Variants in FBXO32 observed in about 807,000 individuals in gnomAD.
FBXO32 encodes the protein F-box protein 32.
FBXO32 carries 15 observed loss-of-function variants against 48.3 expected under a neutral mutation model. The observed-to-expected ratio is 0.31, with a 90% CI of 0.21 to 0.48. The LOEUF is 0.48. Ranked by LOEUF, FBXO32 falls within the 20% of genes least tolerant of loss-of-function variation. The pLI, the probability that FBXO32 is intolerant of heterozygous loss-of-function variation, is 0.99. For synonymous variants in FBXO32, 154 were observed against 165.9 expected (o/e 0.93, Z 0.55); for missense variants, 309 against 432.7 (o/e 0.71, Z 2.54).
rs139011602 is a variant in FBXO32 at position 123,532,662 on chromosome 8, G to T, written c.279+529C>A. Among the ~76,000 whole-genome samples, 208 of 152,222 alleles carry T rather than the reference G, an allele frequency of 1.4e-3. 1 individual carries two copies. The highest frequency in any genetic ancestry group is 4.9e-3 in the African/African-American group (202 of 41,534). On this transcript the variant is annotated intron_variant, in intron 3 of 8. Transcript: ENST00000517956. The stretch of plus-strand genomic sequence containing the variant: ...ACGGTCATAGAAATTCTTTCATATT[G>T]CCTGTATCCTAGTTATTTTAGCAAA...
chr8:123,537,572 C>T (rs770501584), intron 1 of FBXO32, among the ~76,000 whole-genome samples: 16 of 152,042 alleles, frequency 1.1e-4, no homozygotes, highest in Non-Finnish European at 1.2e-4. Context: ...CTGTGACGTG[C>T]CCCCAGAGGT....
At chr8:123,537,237 A>AT (rs575156237) in intron 1 of FBXO32, among the ~76,000 whole-genome samples, 17,049 of 147,364 alleles carry the variant, frequency 0.12, 1,393 homozygotes, top group African/African-American at 0.24. Context: ...GGAGCACAGG[A>AT]TTTTTTTTTT....
chr8:123,504,517 AGGCGCT>A, intron 8 of FBXO32, 81 bp downstream of exon 8: 1 of 1,294,184 alleles, frequency 7.7e-7, no homozygotes, highest in East Asian at 3.2e-5. Flanking sequence ...AGAGGCGGAA[AGGCGCT>A]GGCCTCACCA....
intron 4 of FBXO32, 21 bp from the exon 5 acceptor site, chr8:123,514,354 T>C: frequency 6.2e-7 from 1 of 1,600,556 alleles, no homozygotes; most frequent in Non-Finnish European, 8.5e-7. Flanking sequence ...AAATAGAAGT[T>C]GCCAGGCTTA....
chr8:123,530,808 G>A (rs1463843346), intron 4 of FBXO32, among the ~76,000 whole-genome samples: 6 of 150,354 alleles, frequency 4.0e-5, no homozygotes, highest in South Asian at 2.1e-4. Context: ...TAGTAGAGAC[G>A]GGGTTTCACT....
At chr8:123,524,289 G>A (rs763480277) in intron 4 of FBXO32, among the ~76,000 whole-genome samples, 23 of 152,072 alleles carry the variant, frequency 1.5e-4, no homozygotes, top group East Asian at 5.8e-4. Flanking sequence ...CCCCACTTCC[G>A]TGGGCACCTA....
chr8:123,507,355 G>T (rs1816647625), intron 6 of FBXO32, among the ~76,000 whole-genome samples: 1 of 151,790 alleles, frequency 6.6e-6, no homozygotes, highest in Admixed American at 6.6e-5. Flanking sequence ...GCACACAGAA[G>T]GTGCTCAACA....
Position 123,514,308 on chromosome 8 carries a change from T to A in FBXO32, c.398A>T (p.Gln133Leu), listed in dbSNP as rs751001998. 1.2e-6 allele frequency: 2 copies of A among 1,612,736 alleles called. No individual in the cohort carries two copies. The highest frequency in any genetic ancestry group is 3.3e-5 in the Admixed American group (2 of 59,728). Residue 133 changes from glutamine to leucine, a missense_variant, in exon 5 of 9, where the codon CAG (glutamine) becomes CTG (leucine). Gln to Leu is a moderately radical substitution (Grantham distance 113). Transcript: ENST00000517956. ...GGCGATGCCACTCAGGGATGTGAGCTGTGACTTTGCTATCAGCTCCAACAG... is the reference window on the plus strand; with the variant it reads ...GGCGATGCCACTCAGGGATGTGAGCAGTGACTTTGCTATCAGCTCCAACAG... ...VRLLELIAKS[Q>L]LTSLSGIAQK... is the part of the protein sequence containing the mutation.
At position 123,540,846 on chromosome 8, in the gene FBXO32, A is replaced by C. The variant is rs1817396112; in HGVS notation, c.116+53T>G. The C allele has an allele frequency of 6.7e-7, 1 of 1,484,828 alleles. No individual in the cohort carries two copies. The highest frequency in any genetic ancestry group is 1.2e-5 in the South Asian group (1 of 86,112). The allele number at this position is 1,484,828 out of a possible 1,614,324, so 92.0% of individuals were successfully genotyped here. On this transcript the variant is annotated intron_variant, in intron 1 of 8. Transcript: ENST00000517956. This position sits in a 1 kb window ranked among gnomAD's most constrained non-coding sequence, Gnocchi z 6.4. ...CATTCGCCGTCCCTGCGCCCCCCAGACCAGCCCGGGTCAGTTTCGCGGGGG... is the reference window on the plus strand; with the variant it reads ...CATTCGCCGTCCCTGCGCCCCCCAGCCCAGCCCGGGTCAGTTTCGCGGGGG...
At chr8:123,529,527 C>A (rs1817156541) in intron 4 of FBXO32, among the ~76,000 whole-genome samples, 1 of 152,160 alleles carries the variant, frequency 6.6e-6, no homozygotes, top group African/African-American at 2.4e-5. Flanking sequence ...GAAACCATGT[C>A]TTAGGGAGGT....
intron 1 of FBXO32, among the ~76,000 whole-genome samples, chr8:123,539,007 A>G (rs142653139): frequency 7.2e-5 from 11 of 152,244 alleles, no homozygotes; most frequent in Admixed American, 2.0e-4. Flanking sequence ...CAAATTTTAA[A>G]TTTTTATTTA....
chr8:123,538,977 C>A (rs1203811033), intron 1 of FBXO32, among the ~76,000 whole-genome samples: 1 of 152,020 alleles, frequency 6.6e-6, no homozygotes, highest in Non-Finnish European at 1.5e-5. Context: ...CTCCTGATGC[C>A]GGTATAGGGT....
intron 4 of FBXO32, among the ~76,000 whole-genome samples, chr8:123,518,071 T>C (rs746092280): frequency 5.9e-5 from 9 of 152,188 alleles, no homozygotes; most frequent in Non-Finnish European, 1.3e-4. Flanking sequence ...CCAATAAAAC[T>C]TTATTTACAA....
At chr8:123,527,792 A>C (rs1287242553) in intron 4 of FBXO32, among the ~76,000 whole-genome samples, 1 of 152,214 alleles carries the variant, frequency 6.6e-6, no homozygotes, top group Non-Finnish European at 1.5e-5. Flanking sequence ...AAATGCTTCA[A>C]TACAGGTATG....
chr8:123,531,032 T>G lies in FBXO32; in HGVS notation c.372+866A>C, dbSNP rs1386825184. Among the ~76,000 whole-genome samples the G allele has an allele frequency of 2.3e-5, 3 of 132,328 alleles. No individual in the cohort carries two copies. The Admixed American group carries it at 2.6e-4, about 11-fold the overall frequency. 86.8% of individuals were successfully genotyped at this position (132,328 alleles called of 152,430 possible). Reference sequence around the variant, plus strand: ...CTCACTCCTGTTGCCCAGGCTGGAGTGCAATGGCGCAATCTCAGCTCACTG... The same window carrying G: ...CTCACTCCTGTTGCCCAGGCTGGAGGGCAATGGCGCAATCTCAGCTCACTG... On this transcript the variant is annotated intron_variant, in intron 4 of 8. Transcript: ENST00000517956.
intron 6 of FBXO32, among the ~76,000 whole-genome samples, chr8:123,511,762 C>T (rs1816740247): frequency 6.6e-6 from 1 of 152,170 alleles, no homozygotes; most frequent in African/African-American, 2.4e-5. Context: ...AGACATGAGC[C>T]ACTGCACCTG....
intron 8 of FBXO32, among the ~76,000 whole-genome samples, 177 bp from the exon 9 acceptor site, chr8:123,503,639 A>G (rs1044278809): frequency 6.6e-6 from 1 of 152,180 alleles, no homozygotes; most frequent in African/African-American, 2.4e-5. Flanking sequence ...ATGAAGACAG[A>G]GAGTAGACTG....
intron 4 of FBXO32, among the ~76,000 whole-genome samples, chr8:123,530,488 C>T (rs887167976): frequency 6.6e-5 from 10 of 152,118 alleles, no homozygotes; most frequent in African/African-American, 2.4e-4. Flanking sequence ...TGACTGCTGA[C>T]AAAAATACAC....
intron 4 of FBXO32, among the ~76,000 whole-genome samples, chr8:123,520,356 C>T (rs1243158860): frequency 1.3e-5 from 2 of 152,078 alleles, no homozygotes; most frequent in Non-Finnish European, 2.9e-5. Context: ...TTCTCGGCTC[C>T]TCTGGAATTC....
Sources: gnomAD v4.1 joint callset for allele counts (sites outside exome capture counted in the v4.1 genomes callset) on GRCh38, gnomAD v4.1.1 for gene constraint, Gnocchi (gnomAD v3.1) non-coding constraint, MANE v1.5 for transcripts, NCBI Gene and HGNC (gene_info 2026-07-23, HGNC 2026-07-21) for gene names.